The following FBXO16 variants were observed in gnomAD, a reference collection of about 807,000 sequenced individuals.
FBXO16 encodes the protein F-box protein 16, also known as F-box only protein 16.
Under a neutral mutation model 41.0 loss-of-function variants are expected in FBXO16, and 31 were observed. That is an observed-to-expected ratio of 0.76 (90% confidence interval 0.57 to 1.02). The LOEUF is 1.02. Among genes scored for constraint, FBXO16 ranks in the 50% least tolerant of loss-of-function variants. The pLI is 0.00. For synonymous variants in FBXO16, 133 were observed against 117.8 expected (o/e 1.13, Z -0.84); for missense variants, 361 against 346.2 (o/e 1.04, Z -0.34).
chr8:28,430,297 C>G (rs898974797), intron 7 of FBXO16, among the ~76,000 whole-genome samples: 2 of 152,076 alleles, frequency 1.3e-5, no homozygotes, highest in African/African-American at 4.8e-5. Context: ...TAGGCTGGTC[C>G]TGAACTCCCG....
chr8:28,447,086 A>G, intron 7 of FBXO16, 85 bp downstream of exon 7: 1 of 1,253,610 alleles, frequency 8.0e-7, no homozygotes, highest in Non-Finnish European at 1.1e-6. Flanking sequence ...GATTAAATAA[A>G]TGAATTCAAT....
At chr8:28,430,254 C>A (rs1283856695) in intron 7 of FBXO16, among the ~76,000 whole-genome samples, 2 of 151,932 alleles carry the variant, frequency 1.3e-5, no homozygotes, top group African/African-American at 4.8e-5. Flanking sequence ...TTTACTTTTT[C>A]TTTTGTAGAG....
intron 7 of FBXO16, among the ~76,000 whole-genome samples, chr8:28,434,012 G>A (rs1444818206): frequency 6.7e-6 from 1 of 148,944 alleles, no homozygotes; most frequent in Non-Finnish European, 1.5e-5. Flanking sequence ...CGAGGCTGGA[G>A]TGCAGTGGCA....
At chr8:28,463,388 TTG>T (rs57915294) in intron 4 of FBXO16, among the ~76,000 whole-genome samples, 38,313 of 151,348 alleles carry the variant, frequency 0.25, 5,366 homozygotes, top group East Asian at 0.52. Context: ...GTTTGTGTGT[TTG>T]TGTTTGTATG....
chr8:28,446,261 A>G (rs1338640522), intron 7 of FBXO16, among the ~76,000 whole-genome samples: 2 of 131,976 alleles, frequency 1.5e-5, no homozygotes, highest in East Asian at 4.3e-4. Flanking sequence ...GGCTGACTAT[A>G]ACCTTTGCTT....
In FBXO16 at chr8:28,433,116, C is replaced by A. The variant is rs1802636277; in HGVS notation, c.844-3713G>T. On this transcript the variant is annotated intron_variant, in intron 7 of 8. Coordinates refer to ENST00000380254, the MANE Select transcript of FBXO16 (RefSeq NM_172366.4). ...AACAAACAAAACATAACAACAACAA[C>A]AAAATAATTTTCCTATCCTCCATCT... Among the ~76,000 whole-genome samples the A allele has an allele frequency of 1.3e-5, 2 of 150,990 alleles. 1 individual carries two copies. The highest frequency in any genetic ancestry group is 4.2e-4 in the South Asian group (2 of 4,748).
At chr8:28,489,766 T>G (rs1908916) in intron 1 of FBXO16, among the ~76,000 whole-genome samples, 131,928 of 151,802 alleles carry the variant, frequency 0.87, 57,713 homozygotes, top group South Asian at 0.94. Flanking sequence ...GTGAAACTCA[T>G]AACATGATAC....
chr8:28,428,636 AT>A lies in FBXO16; in HGVS notation c.*90del. ...GTGCCTGTGAGGATGCTGCATGAGA[AT>A]TTCAGCTGTGGTGGCAGTGTCTGGG... is the stretch of plus-strand genomic sequence containing the variant. On this transcript the variant is annotated 3_prime_UTR_variant, in exon 9 of 9. Coordinates refer to ENST00000380254, the MANE Select transcript of FBXO16 (RefSeq NM_172366.4). 4 of 1,554,680 alleles carry A rather than the reference AT, an allele frequency of 2.6e-6. No individual in the cohort carries two copies. The highest frequency in any genetic ancestry group is 2.4e-5 in the East Asian group (1 of 41,084).
intron 1 of FBXO16, among the ~76,000 whole-genome samples, chr8:28,487,329 G>A (rs556236671): frequency 4.6e-5 from 7 of 151,190 alleles, no homozygotes; most frequent in Non-Finnish European, 2.9e-5. Flanking sequence ...GACAGGCAGC[G>A]TGTATATTTG....
chr8:28,481,628 C>T (rs983646260), intron 2 of FBXO16, among the ~76,000 whole-genome samples: 1 of 151,744 alleles, frequency 6.6e-6, no homozygotes, highest in Non-Finnish European at 1.5e-5. Flanking sequence ...TGGCCAACAT[C>T]GTGAAACCCT....
intron 7 of FBXO16, among the ~76,000 whole-genome samples, chr8:28,430,729 T>C (rs964983259): frequency 3.9e-5 from 6 of 152,166 alleles, no homozygotes; most frequent in African/African-American, 1.4e-4. Flanking sequence ...CCTAGCACTT[T>C]GGGAGGCCAA....
At chr8:28,452,788 C>T (rs1448337986) in intron 5 of FBXO16, among the ~76,000 whole-genome samples, 1 of 151,494 alleles carries the variant, frequency 6.6e-6, no homozygotes, top group African/African-American at 2.4e-5. Context: ...GTGACAAGAG[C>T]GAGACTCCAT....
intron 7 of FBXO16, among the ~76,000 whole-genome samples, chr8:28,441,546 G>A (rs909331133): frequency 1.3e-5 from 2 of 152,048 alleles, no homozygotes; most frequent in African/African-American, 4.8e-5. Context: ...GACCAGCCTG[G>A]CCAACATGGC....
At chr8:28,466,231 AAAAAC>A (rs137921679) in intron 3 of FBXO16, among the ~76,000 whole-genome samples, 4,833 of 152,156 alleles carry the variant, frequency 0.032, 236 homozygotes, top group African/African-American at 0.11. Flanking sequence ...CTCCATCTGA[AAAAAC>A]AAAACAAAAC....
Position 28,463,701 on chromosome 8 carries a change from C to T in FBXO16, c.253G>A (p.Ala85Thr). The change falls in exon 4 of 9, where the codon GCC (alanine) becomes ACC (threonine). Residue 85 changes from alanine (A) to threonine (T), a missense_variant. By Grantham distance (58) the Ala-to-Thr change is moderately conservative. Transcript: ENST00000380254. ...RKLQEKIPAE[A>T]LDFTTKLPRV... ...GGAAGCTTGGTTGTAAAGTCCAGGGCTTCTGCTGGAATTTTCTCTTGAAGC... is the reference window on the plus strand; with the variant it reads ...GGAAGCTTGGTTGTAAAGTCCAGGGTTTCTGCTGGAATTTTCTCTTGAAGC... 6.2e-7 allele frequency: 1 copy of T among 1,614,218 alleles called. No individual in the cohort carries two copies.
intron 7 of FBXO16, among the ~76,000 whole-genome samples, chr8:28,444,988 A>G (rs1585896534): frequency 6.6e-6 from 1 of 151,720 alleles, no homozygotes; most frequent in Non-Finnish European, 1.5e-5. Flanking sequence ...AGGGCAAACT[A>G]CCATCCTGTG....
intron 7 of FBXO16, among the ~76,000 whole-genome samples, chr8:28,431,645 G>A (rs77968941): frequency 6.6e-6 from 1 of 152,092 alleles, no homozygotes; most frequent in Non-Finnish European, 1.5e-5. Context: ...AAGCATCTTA[G>A]CGGGCTAACT....
At chr8:28,480,720 G>A (rs923199358) in intron 2 of FBXO16, among the ~76,000 whole-genome samples, 1 of 152,088 alleles carries the variant, frequency 6.6e-6, no homozygotes, top group African/African-American at 2.4e-5. Flanking sequence ...GGCCAGGCTG[G>A]TCTTGAATTC....
chr8:28,457,384 A>G (rs1310061969), intron 4 of FBXO16, among the ~76,000 whole-genome samples: 1 of 152,008 alleles, frequency 6.6e-6, no homozygotes, highest in African/African-American at 2.4e-5. Flanking sequence ...TCCCTTGTGT[A>G]TTTGTCCATT....
Sources: allele counts gnomAD v4.1 joint callset (sites outside exome capture counted in the v4.1 genomes callset), GRCh38; gene constraint gnomAD v4.1.1; transcripts MANE v1.5; gene names NCBI Gene and HGNC (gene_info 2026-07-23, HGNC 2026-07-21).